The following SOS2 variants were observed in gnomAD, a reference collection of about 807,000 sequenced individuals.
The protein encoded by SOS2 is SOS Ras/Rho guanine nucleotide exchange factor 2, also known as son of sevenless homolog 2.
In SOS2, 65 loss-of-function variants were observed where a neutral mutation model predicts 148.2. The observed-to-expected ratio is 0.44, with a 90% confidence interval of 0.36 to 0.54. SOS2 has a LOEUF of 0.54. SOS2 is among the 20% of genes least tolerant of loss of function. SOS2 has a pLI of 0.00. For synonymous variants in SOS2, 539 were observed against 537.1 expected (o/e 1.00, Z -0.05); for missense variants, 1,341 against 1,590.2 (o/e 0.84, Z 2.67).
At chr14:50,161,969 T>C (rs1196770387) in intron 8 of SOS2, among the ~76,000 whole-genome samples, 1 of 151,880 alleles carries the variant, frequency 6.6e-6, no homozygotes, top group Non-Finnish European at 1.5e-5. Context: ...CAGGCTGGTC[T>C]TGAACACCTG....
At chr14:50,209,497 T>C (rs1258235602) in intron 1 of SOS2, among the ~76,000 whole-genome samples, 1 of 152,166 alleles carries the variant, frequency 6.6e-6, no homozygotes, top group African/African-American at 2.4e-5. Flanking sequence ...CCAGGTGCGG[T>C]GGCTCACTCC....
chr14:50,167,130 TA>T (rs929170116), intron 8 of SOS2, among the ~76,000 whole-genome samples: 2 of 151,288 alleles, frequency 1.3e-5, no homozygotes, highest in African/African-American at 2.4e-5. Context: ...ACACTAACTT[TA>T]AAAAAAAACA....
intron 1 of SOS2, among the ~76,000 whole-genome samples, chr14:50,206,536 C>T (rs903029614): frequency 2.0e-5 from 3 of 152,158 alleles, no homozygotes; most frequent in Non-Finnish European, 4.4e-5. Flanking sequence ...GAAATAATGA[C>T]AAGAGAAAAG....
intron 9 of SOS2, among the ~76,000 whole-genome samples, chr14:50,160,916 C>A (rs1040761236): frequency 6.6e-6 from 1 of 152,140 alleles, no homozygotes. Context: ...AGGGTTGAGG[C>A]AGGAGGACTG....
intron 4 of SOS2, among the ~76,000 whole-genome samples, chr14:50,193,962 C>G (rs1020841923): frequency 6.6e-6 from 1 of 152,154 alleles, no homozygotes; most frequent in African/African-American, 2.4e-5. Flanking sequence ...CCAGGCTGGT[C>G]TCAAACTCCT....
chr14:50,143,237 A>G (rs946891056), intron 16 of SOS2, among the ~76,000 whole-genome samples: 3 of 151,068 alleles, frequency 2.0e-5, no homozygotes, highest in African/African-American at 7.3e-5. Context: ...GGACAGGACG[A>G]TCCCTTGAGC....
chr14:50,129,389 T>G (rs1883793181), intron 21 of SOS2, among the ~76,000 whole-genome samples: 1 of 152,188 alleles, frequency 6.6e-6, no homozygotes, highest in African/African-American at 2.4e-5. Context: ...TTTGTTTTGT[T>G]GTTTTCTTTT....
At chr14:50,193,290 C>T (rs143180751) in intron 4 of SOS2, among the ~76,000 whole-genome samples, 52 of 152,074 alleles carry the variant, frequency 3.4e-4, no homozygotes, top group African/African-American at 1.2e-3. Flanking sequence ...TATCCTCCTG[C>T]CTCAACCTCC....
chr14:50,128,613 T>A (rs1883762352), intron 21 of SOS2, among the ~76,000 whole-genome samples: 1 of 152,206 alleles, frequency 6.6e-6, no homozygotes, highest in Non-Finnish European at 1.5e-5. Context: ...CTAAAATTAA[T>A]GACTCAAGAG....
intron 8 of SOS2, among the ~76,000 whole-genome samples, chr14:50,167,039 C>T (rs1885190995): frequency 1.3e-5 from 2 of 151,918 alleles, no homozygotes. Flanking sequence ...GAGACTCCCT[C>T]TCTAAAAAGA....
chr14:50,214,893 T>C lies in SOS2; in HGVS notation c.88-10484A>G, dbSNP rs1374646557. On this transcript the variant is annotated intron_variant, in intron 1 of 22. Coordinates refer to ENST00000216373, the MANE Select transcript of SOS2 (RefSeq NM_006939.4). ...TTCTGTCCCCCAGGATGGAGTGCAG[T>C]GGCGCGATCTCAGCTCACTGCAAGC... Among the ~76,000 whole-genome samples the C allele has an allele frequency of 7.3e-5, 11 of 150,810 alleles. 1 individual carries two copies. The Admixed American group carries it at 7.3e-4, about 10-fold the overall frequency.
At chr14:50,188,135 G>T (rs1007454179) in intron 5 of SOS2, among the ~76,000 whole-genome samples, 1 of 152,172 alleles carries the variant, frequency 6.6e-6, no homozygotes, top group African/African-American at 2.4e-5. Context: ...GGGTGCAGTG[G>T]ATCATGCGTA....
At chr14:50,214,715 T>TC (rs1214294588) in intron 1 of SOS2, among the ~76,000 whole-genome samples, 1 of 151,682 alleles carries the variant, frequency 6.6e-6, no homozygotes, top group Non-Finnish European at 1.5e-5. Context: ...TTTTTTTTTT[T>TC]TTCTTTTTCT....
chr14:50,146,082 G>A (rs1175196813), intron 14 of SOS2, among the ~76,000 whole-genome samples: 2 of 147,148 alleles, frequency 1.4e-5, no homozygotes, highest in Non-Finnish European at 3.0e-5. Flanking sequence ...GTGGTGAGCC[G>A]AGATCGCACC....
intron 1 of SOS2, among the ~76,000 whole-genome samples, chr14:50,213,463 C>A (rs1886948249): frequency 6.6e-6 from 1 of 152,010 alleles, no homozygotes; most frequent in Admixed American, 6.6e-5. Context: ...TTTGGGAGGC[C>A]AAGGTGGGGG....
intron 1 of SOS2, among the ~76,000 whole-genome samples, chr14:50,224,441 C>A (rs371505919): frequency 6.7e-6 from 1 of 148,484 alleles, no homozygotes; most frequent in East Asian, 2.0e-4. Context: ...GGAAGGGAAA[C>A]TAGAAGGAAT....
chr14:50,146,326 AT>A (rs1352939685), intron 14 of SOS2, among the ~76,000 whole-genome samples: 1 of 151,930 alleles, frequency 6.6e-6, no homozygotes, highest in Non-Finnish European at 1.5e-5. Context: ...TTAAGTATGC[AT>A]ATACCCTAGA....
intron 1 of SOS2, among the ~76,000 whole-genome samples, chr14:50,209,845 GA>G (rs1886809856): frequency 6.6e-6 from 1 of 152,068 alleles, no homozygotes; most frequent in African/African-American, 2.4e-5. Flanking sequence ...CTCCTAGGGA[GA>G]AAACTAGACT....
intron 19 of SOS2, among the ~76,000 whole-genome samples, chr14:50,133,439 A>G (rs1428760076): frequency 6.6e-6 from 1 of 151,928 alleles, no homozygotes; most frequent in Non-Finnish European, 1.5e-5. Context: ...AACTGAAGCA[A>G]TCTGCCTGCC....
Sources: allele counts gnomAD v4.1 joint callset (sites outside exome capture counted in the v4.1 genomes callset), GRCh38; gene constraint gnomAD v4.1.1; transcripts MANE v1.5; gene names NCBI Gene and HGNC (gene_info 2026-07-23, HGNC 2026-07-21).